The following SPAG16 variants were observed in gnomAD, a reference collection of about 807,000 sequenced individuals.
SPAG16 encodes the protein sperm-associated antigen 16 protein.
Under a neutral mutation model 80.4 loss-of-function variants are expected in SPAG16, and 86 were observed. The ratio of observed to expected loss-of-function variants is 1.07; its 90% CI spans 0.90 to 1.28. The LOEUF is 1.28. Ranked by LOEUF, SPAG16 falls within the 50% of genes most tolerant of loss-of-function variation. The pLI is 0.00. For missense variants in SPAG16, 870 were observed against 765.3 expected, an observed-to-expected ratio of 1.14 and a Z score of -1.61; for synonymous variants, 294 against 265.9, an observed-to-expected ratio of 1.11 and a Z score of -1.03.
At chr2:213,637,121 A>T (rs894750755) in intron 10 of SPAG16, among the ~76,000 whole-genome samples, 4 of 152,134 alleles carry the variant, frequency 2.6e-5, no homozygotes, top group Admixed American at 1.3e-4. Flanking sequence ...ACCTTAAGTT[A>T]TGTCCCTTCT....
chr2:213,809,256 A>G (rs2071969306), intron 10 of SPAG16, among the ~76,000 whole-genome samples: 1 of 152,196 alleles, frequency 6.6e-6, no homozygotes. Context: ...GATATTCTCT[A>G]TCTAAGGAAA....
chr2:213,742,627 C>G (rs1187691391), intron 10 of SPAG16, among the ~76,000 whole-genome samples: 1 of 149,398 alleles, frequency 6.7e-6, no homozygotes, highest in Non-Finnish European at 1.5e-5. Flanking sequence ...TCTCGCCTCA[C>G]TGCAACCTCC....
rs78786056 is a variant in SPAG16, at chr2:214,077,926, T to C, written c.1528-30270T>C. Among the ~76,000 whole-genome samples, 1,360 of 152,336 alleles carry C rather than the reference T, an allele frequency of 8.9e-3. 25 individuals are homozygous for C. Among genetic ancestry groups the C allele is most frequent in the African/African-American group, 0.032 (1,313 of 41,574 alleles). The stretch of plus-strand genomic sequence containing the variant: ...CAATGCAGGAATGCCTTATTCCCTG[T>C]CTGTCCCTGCCTCACTTCTCTTTCT... On this transcript the variant is annotated intron_variant, in intron 13 of 15. Transcript: ENST00000331683.
chr2:213,953,025 C>T (rs2043933724), intron 12 of SPAG16, among the ~76,000 whole-genome samples: 2 of 151,848 alleles, frequency 1.3e-5, no homozygotes, highest in African/African-American at 2.4e-5. Flanking sequence ...TGATATAGAA[C>T]ACATATAATT....
At chr2:213,617,718 C>T (rs2125041926) in intron 10 of SPAG16, among the ~76,000 whole-genome samples, 1 of 152,222 alleles carries the variant, frequency 6.6e-6, no homozygotes, top group South Asian at 2.1e-4. Context: ...GAGGCTGAGT[C>T]AGGAGGATCC....
At chr2:213,949,470 A>T (rs1376487119) in intron 12 of SPAG16, among the ~76,000 whole-genome samples, 1 of 152,014 alleles carries the variant, frequency 6.6e-6, no homozygotes, top group Admixed American at 6.6e-5. Flanking sequence ...CTCGGCCTAC[A>T]ATAGTTCTTT....
intron 10 of SPAG16, among the ~76,000 whole-genome samples, chr2:213,560,989 G>T (rs143100343): frequency 6.6e-6 from 1 of 152,080 alleles, no homozygotes; most frequent in African/African-American, 2.4e-5. Flanking sequence ...TCAGCCTCCC[G>T]AGTAACTGGG....
intron 10 of SPAG16, among the ~76,000 whole-genome samples, chr2:213,820,377 CTT>C (rs2072866840): frequency 2.6e-5 from 4 of 151,906 alleles, no homozygotes; most frequent in Admixed American, 6.6e-5. Flanking sequence ...GTGGGAAACT[CTT>C]TTTATTTTGT....
intron 14 of SPAG16, among the ~76,000 whole-genome samples, chr2:214,120,871 CAA>C (rs1205027351): frequency 1.3e-5 from 2 of 151,782 alleles, no homozygotes; most frequent in Non-Finnish European, 3.0e-5. Context: ...CTCTGACCCC[CAA>C]AGTTACCATT....
At chr2:214,257,769 T>C (rs1690802682) in intron 15 of SPAG16, among the ~76,000 whole-genome samples, 1 of 152,122 alleles carries the variant, frequency 6.6e-6, no homozygotes, top group Admixed American at 6.6e-5. Flanking sequence ...ATAAAGGACA[T>C]TAATATATGG....
At chr2:214,223,134 T>A (rs2058619997) in intron 15 of SPAG16, among the ~76,000 whole-genome samples, 1 of 150,582 alleles carries the variant, frequency 6.6e-6, no homozygotes, top group Non-Finnish European at 1.5e-5. Flanking sequence ...TGAACTATTT[T>A]TTATTATTAT....
rs1399188265 is a variant in SPAG16 at position 214,076,419 on chromosome 2, A to C, written c.1528-31777A>C. ...AATTAACTGTAAATTAAATTCAATC[A>C]TTAAAATAAGGACATGCCTGAAACA... On this transcript the variant is annotated intron_variant, in intron 13 of 15. Coordinates refer to ENST00000331683, the MANE Select transcript of SPAG16 (RefSeq NM_024532.5). 3.3e-5 allele frequency among the ~76,000 whole-genome samples: 5 copies of C among 152,328 alleles called. No individual in the cohort carries two copies. In the East Asian group the frequency reaches 7.7e-4, roughly 23 times the overall value.
chr2:213,588,849 C>T (rs1226775623), intron 10 of SPAG16, among the ~76,000 whole-genome samples: 1 of 113,260 alleles, frequency 8.8e-6, no homozygotes, highest in African/African-American at 3.0e-5. Context: ...AAAAAGACTC[C>T]CTATCCATTT....
intron 9 of SPAG16, among the ~76,000 whole-genome samples, chr2:213,465,738 T>A (rs2072650269): frequency 6.6e-6 from 1 of 152,212 alleles, no homozygotes; most frequent in Admixed American, 6.5e-5. Context: ...CCGCTGCAAC[T>A]GCCCAGAGGC....
At chr2:213,422,941 C>T (rs1456802317) in intron 9 of SPAG16, among the ~76,000 whole-genome samples, 1 of 152,216 alleles carries the variant, frequency 6.6e-6, no homozygotes, top group Non-Finnish European at 1.5e-5. Context: ...TTTCTCTTCC[C>T]TGCCCTAGCA....
At chr2:214,114,053 T>G (rs556702711) in intron 14 of SPAG16, among the ~76,000 whole-genome samples, 1 of 152,268 alleles carries the variant, frequency 6.6e-6, no homozygotes, top group South Asian at 2.1e-4. Context: ...TCCTTTCTGT[T>G]TGTTATTTTT....
At chr2:214,239,798 A>G (rs1689337019) in intron 15 of SPAG16, 2 of 152,216 alleles carry the variant, frequency 1.3e-5, no homozygotes, top group Admixed American at 1.3e-4. Flanking sequence ...TGTTGAAAAC[A>G]TAATGGATCT....
chr2:213,487,190 T>C (rs1305306471), intron 9 of SPAG16, among the ~76,000 whole-genome samples: 1 of 152,000 alleles, frequency 6.6e-6, no homozygotes, highest in Non-Finnish European at 1.5e-5. Context: ...TCTCAAATTA[T>C]TATTTAATTT....
intron 11 of SPAG16, among the ~76,000 whole-genome samples, chr2:213,912,939 AG>A (rs2077743610): frequency 6.6e-6 from 1 of 152,198 alleles, no homozygotes; most frequent in African/African-American, 2.4e-5. Context: ...AATCATTTAT[AG>A]GATAGAAATC....
Sources: allele counts gnomAD v4.1 joint callset (sites outside exome capture counted in the v4.1 genomes callset), GRCh38; gene constraint gnomAD v4.1.1; transcripts MANE v1.5; gene names NCBI Gene and HGNC (gene_info 2026-07-23, HGNC 2026-07-21).